Variants in TRPM3 observed in about 807,000 individuals in gnomAD.
The protein encoded by TRPM3 is long transient receptor potential channel 3.
A neutral mutation model predicts 181.2 loss-of-function variants in TRPM3; 77 were observed. That is an observed-to-expected ratio of 0.42 (90% confidence interval 0.35 to 0.51). The LOEUF (loss-of-function observed/expected upper bound fraction) is 0.51, where lower values mean the gene tolerates loss of function less well. Among genes scored for constraint, TRPM3 ranks in the 20% least tolerant of loss-of-function variants. TRPM3 has a pLI of 0.01. For missense variants in TRPM3, 1,759 were observed against 2,196.7 expected, an observed-to-expected ratio of 0.80 and a Z score of 3.98; for synonymous variants, 745 against 796.4, an observed-to-expected ratio of 0.94 and a Z score of 1.09.
At chr9:70,763,395 C>T (rs948068076) in intron 7 of TRPM3, among the ~76,000 whole-genome samples, 1 of 151,914 alleles carries the variant, frequency 6.6e-6, no homozygotes, top group Non-Finnish European at 1.5e-5. Context: ...CCTGTAGTCC[C>T]AGCTACTTGA....
chr9:71,221,809 C>A (rs541311525), intron 1 of TRPM3, among the ~76,000 whole-genome samples: 45 of 152,228 alleles, frequency 3.0e-4, no homozygotes, highest in Non-Finnish European at 5.1e-4. Flanking sequence ...GGAATAAAAA[C>A]CAGGTAAGAT....
intron 3 of TRPM3, among the ~76,000 whole-genome samples, chr9:70,856,294 A>G (rs372995824): frequency 9.8e-5 from 15 of 152,342 alleles, no homozygotes; most frequent in African/African-American, 3.6e-4. Flanking sequence ...CTGCCAGTTC[A>G]GTGGTCTTCA....
intron 6 of TRPM3, among the ~76,000 whole-genome samples, chr9:70,789,585 C>T (rs1443026671): frequency 1.3e-5 from 2 of 152,106 alleles, no homozygotes; most frequent in Non-Finnish European, 2.9e-5. Flanking sequence ...TCACCAAAGA[C>T]TTGTCATAGC....
chr9:70,691,627 T>C (rs1800727491), intron 8 of TRPM3, among the ~76,000 whole-genome samples: 1 of 152,186 alleles, frequency 6.6e-6, no homozygotes, highest in Non-Finnish European at 1.5e-5. Context: ...CCACCGTCAT[T>C]TAAGAACCCT....
chr9:70,943,968 C>CG (rs950715457), intron 1 of TRPM3, among the ~76,000 whole-genome samples: 40 of 152,156 alleles, frequency 2.6e-4, no homozygotes, highest in Admixed American at 5.2e-4. Context: ...TTAGTAGAGA[C>CG]GGGGTTTCAC....
intron 1 of TRPM3, among the ~76,000 whole-genome samples, chr9:71,277,230 A>C (rs2084284355): frequency 6.6e-6 from 1 of 152,218 alleles, no homozygotes; most frequent in Non-Finnish European, 1.5e-5. Context: ...AGGAAGACGC[A>C]ACTGAAATGG....
At chr9:70,919,271 T>A (rs1030622990) in intron 1 of TRPM3, among the ~76,000 whole-genome samples, 3 of 152,200 alleles carry the variant, frequency 2.0e-5, no homozygotes, top group Non-Finnish European at 4.4e-5. Flanking sequence ...CTAGTTGAAC[T>A]TTTCATTTCT....
chr9:71,164,441 G>A (rs1002670045), intron 1 of TRPM3, among the ~76,000 whole-genome samples: 2 of 152,128 alleles, frequency 1.3e-5, no homozygotes, highest in Admixed American at 1.3e-4. Context: ...TGGAGGAGAG[G>A]CAAACGGGGA....
intron 3 of TRPM3, among the ~76,000 whole-genome samples, chr9:70,848,813 T>TAAA (rs555501972): frequency 1.3e-5 from 1 of 77,048 alleles, no homozygotes; most frequent in Non-Finnish European, 2.8e-5. Context: ...CCGTCTCTAC[T>TAAA]AAAAATACAA....
At chr9:71,376,338 A>G (rs184051423) in intron 1 of TRPM3, among the ~76,000 whole-genome samples, 1 of 152,166 alleles carries the variant, frequency 6.6e-6, no homozygotes, top group East Asian at 1.9e-4. Context: ...AATTTTGAAG[A>G]AACAATTTTC....
At chr9:71,415,844 C>G (rs1264298356) in intron 1 of TRPM3, among the ~76,000 whole-genome samples, 1 of 151,526 alleles carries the variant, frequency 6.6e-6, no homozygotes, top group Non-Finnish European at 1.5e-5. Context: ...ATATAAAACA[C>G]TAAGAATAAA....
chr9:70,625,167 C>T lies in TRPM3; in HGVS notation c.1809+24G>A, dbSNP rs1451463751. On this transcript the variant is annotated intron_variant, in intron 14 of 25. Coordinates refer to ENST00000677713, the MANE Select transcript of TRPM3 (RefSeq NM_001366145.2). This position sits in a 1 kb window ranked among gnomAD's most constrained non-coding sequence, Gnocchi z 4.8. ...TACACCCTAGTCCTCCCAGGAAGGGCCCCGAATTTGCAGCCAGCCTCACCC... is the reference window on the plus strand; with the variant it reads ...TACACCCTAGTCCTCCCAGGAAGGGTCCCGAATTTGCAGCCAGCCTCACCC... The T allele has an allele frequency of 1.2e-6, 2 of 1,613,456 alleles. No individual in the cohort carries two copies. Among genetic ancestry groups the T allele is most frequent in the East Asian group, 2.2e-5 (1 of 44,848 alleles).
At chr9:71,313,390 G>GTT (rs2088188954) in intron 1 of TRPM3, among the ~76,000 whole-genome samples, 1 of 152,006 alleles carries the variant, frequency 6.6e-6, no homozygotes, top group Non-Finnish European at 1.5e-5. Context: ...TAGATGACCT[G>GTT]TCTGTTTTAT....
rs1187172371 is a variant in TRPM3 at position 70,862,921 on chromosome 9, G to A, written c.449C>T (p.Ser150Phe). The A allele has an allele frequency of 6.2e-7, 1 of 1,613,304 alleles. No individual in the cohort carries two copies. The highest frequency in any genetic ancestry group is 8.5e-7 in the Non-Finnish European group (1 of 1,179,578). The change falls in exon 3 of 26, where the codon TCC becomes TTC. Residue 150 changes from serine to phenylalanine, a missense_variant. By Grantham distance (155) the Ser-to-Phe change is radical. Transcript: ENST00000677713. ...CTTTCTGATTACCATGGCTTTGTTGGAATGGCCACCTCCTTGGAACTCAAT... is the reference window on the plus strand; with the variant it reads ...CTTTCTGATTACCATGGCTTTGTTGAAATGGCCACCTCCTTGGAACTCAAT... ...GTIEFQGGGH[S>F]NKAMYVRVSF...
chr9:70,957,125 T>C (rs1302401158), intron 1 of TRPM3, among the ~76,000 whole-genome samples: 3 of 151,924 alleles, frequency 2.0e-5, no homozygotes, highest in Non-Finnish European at 4.4e-5. Flanking sequence ...CGCACCTGGC[T>C]AATTTTTTTT....
intron 8 of TRPM3, among the ~76,000 whole-genome samples, chr9:70,683,375 A>G (rs2134272173): frequency 7.0e-6 from 1 of 142,440 alleles, no homozygotes; most frequent in African/African-American, 2.6e-5. Context: ...ATGTGCCACC[A>G]TGCCCAGCTT....
chr9:71,221,966 C>G lies in TRPM3; in HGVS notation c.183+224687G>C, dbSNP rs994216893. On this transcript the variant is annotated intron_variant, in intron 1 of 24. Coordinates refer to the TRPM3 transcript ENST00000357533. Reference sequence around the variant, plus strand: ...ATAAGATAAATATCAATTTCCCTACCACTAAGATGTGGGTTCTTACATTTT... The same window carrying G: ...ATAAGATAAATATCAATTTCCCTACGACTAAGATGTGGGTTCTTACATTTT... Among the ~76,000 whole-genome samples, 5 of 152,324 alleles carry G rather than the reference C, an allele frequency of 3.3e-5. No individual in the cohort carries two copies. In the East Asian group the frequency reaches 9.6e-4, roughly 29 times the overall value.
At chr9:71,194,562 C>T (rs1385942757) in intron 1 of TRPM3, among the ~76,000 whole-genome samples, 1 of 151,868 alleles carries the variant, frequency 6.6e-6, no homozygotes, top group Non-Finnish European at 1.5e-5. Context: ...GATGGAAAGA[C>T]ACTGGGTCCC....
chr9:70,821,661 C>T lies in TRPM3; in HGVS notation c.973+6186G>A, dbSNP rs2093180098. Among the ~76,000 whole-genome samples, 3 of 152,204 alleles carry T rather than the reference C, an allele frequency of 2.0e-5. No individual in the cohort carries two copies. The South Asian group carries it at 6.2e-4, about 32-fold the overall frequency. ...CACTTTTGATAATTTACTTAACCAT[C>T]TCTCTGTACATCAGTCTACTCTTTT... On this transcript the variant is annotated intron_variant, in intron 6 of 25. Transcript: ENST00000677713.
Sources: allele counts gnomAD v4.1 joint callset (sites outside exome capture counted in the v4.1 genomes callset), GRCh38; gene constraint gnomAD v4.1.1; non-coding constraint Gnocchi (gnomAD v3.1); transcripts MANE v1.5; gene names NCBI Gene and HGNC (gene_info 2026-07-23, HGNC 2026-07-21).